The following ABCG2 variants were observed in gnomAD, a reference collection of about 807,000 sequenced individuals.
ABCG2 encodes ATP binding cassette subfamily G member 2 (JR blood group).
Under a neutral mutation model 73.5 loss-of-function variants are expected in ABCG2, and 80 were observed. The observed-to-expected ratio is 1.09, with a 90% confidence interval of 0.91 to 1.31. ABCG2 has a LOEUF of 1.31. ABCG2 is among the 50% of genes most tolerant of loss of function. The pLI is 0.00. For missense variants in ABCG2, 796 were observed against 786.2 expected, an observed-to-expected ratio of 1.01 and a Z score of -0.15; for synonymous variants, 269 against 282.4, an observed-to-expected ratio of 0.95 and a Z score of 0.48.
chr4:88,226,130 G>T (rs186770572), intron 1 of ABCG2, among the ~76,000 whole-genome samples: 11 of 152,284 alleles, frequency 7.2e-5, no homozygotes, highest in African/African-American at 2.4e-4. Flanking sequence ...TGGGACTATT[G>T]CAACAGTCTA....
In ABCG2 at chr4:88,109,550, T is replaced by C. The variant is rs117076218; in HGVS notation, c.1195-2284A>G. On this transcript the variant is annotated intron_variant, in intron 9 of 15. Transcript: ENST00000237612. ...GAAAACAAACAGGCAAACTAAACAG[T>C]GCACAATGGAGTGCACAGACCCCAT... Among the ~76,000 whole-genome samples, 216 of 152,338 alleles carry C rather than the reference T, an allele frequency of 1.4e-3. 4 individuals are homozygous for C. The East Asian group carries it at 0.038, about 27-fold the overall frequency.
intron 5 of ABCG2, among the ~76,000 whole-genome samples, chr4:88,122,112 G>A (rs950692163): frequency 6.6e-6 from 1 of 151,996 alleles, no homozygotes; most frequent in Admixed American, 6.6e-5. Flanking sequence ...ACTGTGCCAC[G>A]AGGGATGGTG....
chr4:88,138,567 T>C (rs888704163), intron 2 of ABCG2, among the ~76,000 whole-genome samples: 1 of 152,086 alleles, frequency 6.6e-6, no homozygotes, highest in Non-Finnish European at 1.5e-5. Context: ...AAATCAAAAG[T>C]AAGATAAATG....
intron 1 of ABCG2, among the ~76,000 whole-genome samples, chr4:88,189,571 CT>C (rs1440941187): frequency 6.6e-6 from 1 of 151,674 alleles, no homozygotes; most frequent in Non-Finnish European, 1.5e-5. Context: ...TAAAATGCAA[CT>C]GATTTTTCTG....
At chr4:88,141,125 C>T (rs1725613093) in intron 1 of ABCG2, among the ~76,000 whole-genome samples, 1 of 152,092 alleles carries the variant, frequency 6.6e-6, no homozygotes, top group South Asian at 2.1e-4. Context: ...TTTCTCTCTG[C>T]CTATGATTGA....
intron 1 of ABCG2, among the ~76,000 whole-genome samples, chr4:88,172,839 T>C (rs74903056): frequency 0.062 from 9,370 of 152,102 alleles, 998 homozygotes; most frequent in African/African-American, 0.21. Context: ...CCAGACAGTA[T>C]GCATGAAGAT....
chr4:88,187,007 T>C (rs1413031327), intron 1 of ABCG2, among the ~76,000 whole-genome samples: 1 of 141,196 alleles, frequency 7.1e-6, no homozygotes, highest in Admixed American at 7.7e-5. Context: ...GCAGGGAGAA[T>C]TGCTTGAACC....
At chr4:88,136,870 G>C (rs904042120) in intron 2 of ABCG2, among the ~76,000 whole-genome samples, 1 of 151,832 alleles carries the variant, frequency 6.6e-6, no homozygotes, top group Admixed American at 6.6e-5. Flanking sequence ...CAAAAAATTA[G>C]CTGGGCATGG....
chr4:88,132,036 A>C, intron 3 of ABCG2, 119 bp from the exon 4 acceptor site: 1 of 640,710 alleles, frequency 1.6e-6, no homozygotes, highest in East Asian at 2.8e-5. Flanking sequence ...TCCAAATTCT[A>C]CTTTAGTTAG....
chr4:88,211,010 G>A (rs1170624924), intron 1 of ABCG2, among the ~76,000 whole-genome samples: 1 of 151,912 alleles, frequency 6.6e-6, no homozygotes. Flanking sequence ...CCAGGAACTC[G>A]AGGCTGTAGT....
At chr4:88,207,530 T>C (rs1237125019) in intron 1 of ABCG2, among the ~76,000 whole-genome samples, 1 of 152,154 alleles carries the variant, frequency 6.6e-6, no homozygotes, top group Non-Finnish European at 1.5e-5. Context: ...TTTTTTGATC[T>C]CCTCGAGGGA....
At chr4:88,138,168 G>T (rs949464715) in intron 2 of ABCG2, among the ~76,000 whole-genome samples, 10 of 152,208 alleles carry the variant, frequency 6.6e-5, no homozygotes, top group African/African-American at 2.2e-4. Flanking sequence ...AAATAAATTT[G>T]AAATCATTTC....
upstream of ABCG2, among the ~76,000 whole-genome samples, chr4:88,162,194 G>C (rs1354273870): frequency 6.6e-6 from 1 of 152,084 alleles, no homozygotes; most frequent in Admixed American, 6.6e-5. Context: ...TAAAGAAAAA[G>C]AGAAAGAAAG....
intron 2 of ABCG2, among the ~76,000 whole-genome samples, 189 bp downstream of exon 2, chr4:88,139,604 A>G (rs1725484511): frequency 6.6e-6 from 1 of 152,202 alleles, no homozygotes; most frequent in South Asian, 2.1e-4. Flanking sequence ...AGAGTCAAAC[A>G]TATACCTAAA....
chr4:88,192,810 C>T (rs1728751893), intron 1 of ABCG2, among the ~76,000 whole-genome samples: 1 of 151,694 alleles, frequency 6.6e-6, no homozygotes, highest in African/African-American at 2.4e-5. Flanking sequence ...CTCCTGGGTT[C>T]AAGTGATTCT....
chr4:88,097,582 G>A lies in ABCG2; in HGVS notation c.1518C>T (p.Phe506=). The change falls in exon 13 of 16, where the codon TTC becomes TTT. Residue 506 remains phenylalanine, a synonymous_variant. Coordinates refer to ENST00000237612, the MANE Select transcript of ABCG2 (RefSeq NM_004827.3). ...TCATAAGGGTAAACATCATAACGAA[G>A]AAGGCATCTGCCTTTGGCTTCAATC... ...MLGLKPKADA[F]FVMMFTLMMV... 6.2e-7 allele frequency: 1 copy of A among 1,614,072 alleles called. No homozygotes were observed. The highest frequency in any genetic ancestry group is 8.5e-7 in the Non-Finnish European group (1 of 1,179,960).
intron 8 of ABCG2, among the ~76,000 whole-genome samples, chr4:88,113,779 G>A (rs1406690207): frequency 6.6e-6 from 1 of 151,636 alleles, no homozygotes; most frequent in Non-Finnish European, 1.5e-5. Context: ...TGACCAACAT[G>A]GTGAAACCCT....
Position 88,146,798 on chromosome 4 carries a change from G to C in ABCG2, c.-19-6784C>G, listed in dbSNP as rs6822850. Among the ~76,000 whole-genome samples, 791 of 151,966 alleles carry C rather than the reference G, an allele frequency of 5.2e-3. 5 individuals carry two copies. Among genetic ancestry groups the C allele is most frequent in the African/African-American group, 0.018 (742 of 41,396 alleles). On this transcript the variant is annotated intron_variant, in intron 1 of 15. Transcript: ENST00000237612. ...GTGGGAGGATCCCTTGAGGGTCCATGAGACGGAGGCTGCAGTGAATCGTGA... is the reference window on the plus strand; with the variant it reads ...GTGGGAGGATCCCTTGAGGGTCCATCAGACGGAGGCTGCAGTGAATCGTGA...
chr4:88,106,147 T>C (rs1339941209), intron 10 of ABCG2, among the ~76,000 whole-genome samples: 1 of 152,122 alleles, frequency 6.6e-6, no homozygotes, highest in African/African-American at 2.4e-5. Flanking sequence ...TTTTTGTTTG[T>C]TTTTTTAAGA....
Sources: allele counts gnomAD v4.1 joint callset (sites outside exome capture counted in the v4.1 genomes callset), GRCh38; gene constraint gnomAD v4.1.1; transcripts MANE v1.5; gene names NCBI Gene and HGNC (gene_info 2026-07-23, HGNC 2026-07-21).